The following GNB1 variants were observed in gnomAD, a reference collection of about 807,000 sequenced individuals.
The protein encoded by GNB1 is guanine nucleotide-binding protein G(I)/G(S)/G(T) subunit beta-1.
GNB1 carries 2 observed loss-of-function variants against 42.9 expected under a neutral mutation model. The ratio of observed to expected loss-of-function variants is 0.05; its 90% CI spans 0.02 to 0.15. The LOEUF (loss-of-function observed/expected upper bound fraction) is 0.15. Among genes scored for constraint, GNB1 ranks in the 10% least tolerant of loss-of-function variants. The pLI is 1.00. For missense variants in GNB1, 193 were observed against 462.2 expected, an observed-to-expected ratio of 0.42 and a Z score of 5.34; for synonymous variants, 183 against 174.7, an observed-to-expected ratio of 1.05 and a Z score of -0.38.
chr1:1,872,393 C>T (rs1261745367), intron 1 of GNB1, among the ~76,000 whole-genome samples: 2 of 152,196 alleles, frequency 1.3e-5, no homozygotes, highest in Admixed American at 6.5e-5. Context: ...CTAGAGAATG[C>T]ACCATCTGCA....
chr1:1,849,540 GAGACCAC>G (rs2101472471), intron 1 of GNB1, among the ~76,000 whole-genome samples: 2 of 152,216 alleles, frequency 1.3e-5, no homozygotes, highest in East Asian at 3.9e-4. Context: ...CTGAGTAGCT[GAGACCAC>G]AGGCACCGCC....
In GNB1 at chr1:1,815,860, G is replaced by C. The variant is rs747820792; in HGVS notation, c.99C>G (p.Ile33Met). The C allele has an allele frequency of 2.6e-6, 4 of 1,564,466 alleles. No homozygotes were observed. Among genetic ancestry groups the C allele is most frequent in the South Asian group, 2.2e-5 (2 of 89,988 alleles). Residue 33 changes from isoleucine to methionine, a missense_variant and splice_region_variant, in exon 5 of 12, where the codon ATC becomes ATG. Physicochemically the swap from Ile to Met is conservative, Grantham distance 10 (BLOSUM62 1). Around this residue, in one of 2 missense-constraint regions of GNB1, gnomAD observed 43 missense variants for 51.5 expected, o/e 0.84. Coordinates refer to ENST00000378609, the MANE Select transcript of GNB1 (RefSeq NM_002074.5). ...KACADATLSQITNNIDPVGRI... is the reference protein window; with the variant it reads ...KACADATLSQMTNNIDPVGRI... ...TTCCCACTGGGTCGATGTTGTTTGT[G>C]ATCTTGAAAATAAAAACATTTCTGT... is the stretch of plus-strand genomic sequence containing the variant.
At chr1:1,857,880 C>T (rs1648392509) in intron 1 of GNB1, among the ~76,000 whole-genome samples, 1 of 152,106 alleles carries the variant, frequency 6.6e-6, no homozygotes, top group Non-Finnish European at 1.5e-5. Context: ...AATAATCAAG[C>T]AGAACCACCA....
At chr1:1,798,424 G>A (rs755299343) in intron 7 of GNB1, among the ~76,000 whole-genome samples, 12 of 152,218 alleles carry the variant, frequency 7.9e-5, no homozygotes, top group Non-Finnish European at 1.3e-4. Context: ...CTCACTATAT[G>A]AAGACACCGT....
intron 3 of GNB1, 144 bp from the exon 4 acceptor site, chr1:1,818,019 T>C (rs377336535): frequency 1.7e-4 from 112 of 644,158 alleles, no homozygotes; most frequent in East Asian, 1.7e-3. Context: ...TCTCCTTGCA[T>C]CTCAACACCC....
rs1646875607 is a variant in GNB1 at position 1,817,689 on chromosome 1, T to C, written c.96+148A>G. 1.9e-5 allele frequency: 11 copies of C among 569,106 alleles called. No individual in the cohort carries two copies. In the South Asian group the frequency reaches 2.0e-4, roughly 10 times the overall value. The allele number at this position is 569,106 out of a possible 1,614,324, so 35.3% of individuals were successfully genotyped here. ...GCCCCTCTATTTCCTATGCCTACCA[T>C]CAGAATGACTTCTTAATAAAAGCAG... On this transcript the variant is annotated intron_variant, in intron 4 of 11. Coordinates refer to ENST00000378609, the MANE Select transcript of GNB1 (RefSeq NM_002074.5).
chr1:1,832,011 C>T (rs544372126), intron 2 of GNB1, among the ~76,000 whole-genome samples: 1 of 144,906 alleles, frequency 6.9e-6, no homozygotes, highest in South Asian at 2.1e-4. Flanking sequence ...TACAGTGAGC[C>T]ATGACTGTTC....
chr1:1,859,938 T>C (rs1169306501), intron 1 of GNB1, among the ~76,000 whole-genome samples: 2 of 152,078 alleles, frequency 1.3e-5, no homozygotes, highest in Non-Finnish European at 2.9e-5. Flanking sequence ...CATTAGGAGA[T>C]ATACTTAATG....
chr1:1,890,041 G>A (rs1316709331), intron 1 of GNB1, among the ~76,000 whole-genome samples: 3 of 151,978 alleles, frequency 2.0e-5, no homozygotes, highest in Admixed American at 2.0e-4. Flanking sequence ...GCAGCGGTGG[G>A]AGCGCCATCT....
At chr1:1,850,216 C>T (rs962424393) in intron 1 of GNB1, among the ~76,000 whole-genome samples, 7 of 151,978 alleles carry the variant, frequency 4.6e-5, no homozygotes, top group African/African-American at 1.5e-4. Flanking sequence ...CCACAACCTC[C>T]GCCTCCCAGG....
At chr1:1,845,940 A>G (rs748718465) in intron 1 of GNB1, among the ~76,000 whole-genome samples, 1 of 151,952 alleles carries the variant, frequency 6.6e-6, no homozygotes, top group Non-Finnish European at 1.5e-5. Context: ...CAAAGCCCAA[A>G]TCTTGGTTTT....
intron 8 of GNB1, among the ~76,000 whole-genome samples, chr1:1,791,470 C>T (rs745398093): frequency 1.2e-4 from 18 of 152,178 alleles, no homozygotes; most frequent in African/African-American, 1.9e-4. Context: ...CCACCGCGCC[C>T]GGCCATACCT....
chr1:1,792,462 C>G lies in GNB1; in HGVS notation c.497+783G>C, dbSNP rs117033364. On this transcript the variant is annotated intron_variant, in intron 8 of 11. Coordinates refer to ENST00000378609, the MANE Select transcript of GNB1 (RefSeq NM_002074.5). ...CCTGTAATCCCAGCACTTTCAGAGG[C>G]TGACGCAGGCAGATCACGAGGTCAA... 1.2e-3 allele frequency among the ~76,000 whole-genome samples: 183 copies of G among 152,166 alleles called. 2 individuals carry two copies. The East Asian group carries it at 0.031, about 26-fold the overall frequency.
intron 1 of GNB1, among the ~76,000 whole-genome samples, chr1:1,858,653 A>G (rs1457816174): frequency 6.6e-6 from 1 of 152,206 alleles, no homozygotes; most frequent in Non-Finnish European, 1.5e-5. Flanking sequence ...TAAGCTCCCA[A>G]AACAAACAAG....
At chr1:1,874,327 G>A (rs1242867720) in intron 1 of GNB1, among the ~76,000 whole-genome samples, 6 of 152,024 alleles carry the variant, frequency 3.9e-5, no homozygotes, top group African/African-American at 9.7e-5. Flanking sequence ...AAATTAGGCC[G>A]GGCGTGGTGG....
rs542948971 is a variant in GNB1, at chr1:1,787,650, G to T, written c.917-213C>A. ...AAAATTCAAAGACACGCACACACACGCAATCGATAAATCCAGAGCCCCTGG... is the reference window on the plus strand; with the variant it reads ...AAAATTCAAAGACACGCACACACACTCAATCGATAAATCCAGAGCCCCTGG... On this transcript the variant is annotated intron_variant, in intron 10 of 11. Transcript: ENST00000378609. This position sits in a 1 kb window ranked among gnomAD's most constrained non-coding sequence, Gnocchi z 4.4. 4.7e-4 allele frequency among the ~76,000 whole-genome samples: 72 copies of T among 152,160 alleles called. 2 individuals carry two copies. The South Asian group carries it at 0.015, about 32-fold the overall frequency.
intron 1 of GNB1, among the ~76,000 whole-genome samples, chr1:1,859,128 T>C (rs921879360): frequency 6.6e-6 from 1 of 151,806 alleles, no homozygotes; most frequent in Non-Finnish European, 1.5e-5. Flanking sequence ...TTCAATCAAT[T>C]CTCCTGTCTC....
chr1:1,881,291 T>C (rs1184916523), intron 1 of GNB1, among the ~76,000 whole-genome samples: 3 of 152,132 alleles, frequency 2.0e-5, no homozygotes, highest in African/African-American at 4.8e-5. Context: ...CTACAGCAGC[T>C]TTGCCAACTG....
intron 3 of GNB1, among the ~76,000 whole-genome samples, chr1:1,820,309 G>T (rs2100927032): frequency 7.6e-6 from 1 of 132,376 alleles, no homozygotes; most frequent in South Asian, 2.5e-4. Flanking sequence ...AGTGAGCTGA[G>T]ATCACACCAC....
Sources: allele counts gnomAD v4.1 joint callset (sites outside exome capture counted in the v4.1 genomes callset), GRCh38; gene constraint gnomAD v4.1.1; regional missense constraint gnomAD v4.1.1; non-coding constraint Gnocchi (gnomAD v3.1); transcripts MANE v1.5; gene names NCBI Gene and HGNC (gene_info 2026-07-23, HGNC 2026-07-21).